The following RNLS variants were observed in gnomAD, a reference collection of about 807,000 sequenced individuals.
RNLS encodes renalase, FAD dependent amine oxidase, also known as renalase.
In RNLS, 39 loss-of-function variants were observed where a neutral mutation model predicts 39.8. The ratio of observed to expected loss-of-function variants is 0.98; its 90% CI spans 0.76 to 1.28. The LOEUF (loss-of-function observed/expected upper bound fraction) is 1.28, where lower values mean the gene tolerates loss of function less well. Among genes scored for constraint, RNLS ranks in the 50% most tolerant of loss-of-function variants. RNLS has a pLI of 0.00. For synonymous variants in RNLS, 147 were observed against 150.7 expected (o/e 0.98, Z 0.18); for missense variants, 410 against 413.3 (o/e 0.99, Z 0.07).
At chr10:88,412,235 G>T (rs534741732) in intron 4 of RNLS, among the ~76,000 whole-genome samples, 1 of 151,956 alleles carries the variant, frequency 6.6e-6, no homozygotes, top group Non-Finnish European at 1.5e-5. Context: ...GAGAAAAGGG[G>T]AACCAAAATG....
the RNLS span, among the ~76,000 whole-genome samples, chr10:88,201,485 G>A: frequency 6.6e-6 from 1 of 152,132 alleles, no homozygotes; most frequent in Non-Finnish European, 1.5e-5. Flanking sequence ...TGCTGTGAGA[G>A]GCACAAGCCA....
chr10:88,419,353 T>C (rs1169094386), intron 4 of RNLS, among the ~76,000 whole-genome samples: 1 of 152,122 alleles, frequency 6.6e-6, no homozygotes, highest in Non-Finnish European at 1.5e-5. Flanking sequence ...GTCTTAGAGA[T>C]CATTCATATG....
intron 4 of RNLS, among the ~76,000 whole-genome samples, chr10:88,499,196 C>CAG (rs1283847744): frequency 6.6e-6 from 1 of 152,188 alleles, no homozygotes; most frequent in Non-Finnish European, 1.5e-5. Flanking sequence ...CTAGACACTT[C>CAG]ACCACTCTAC....
At chr10:88,401,800 T>C (rs1589731678) in intron 4 of RNLS, among the ~76,000 whole-genome samples, 1 of 152,028 alleles carries the variant, frequency 6.6e-6, no homozygotes. Context: ...ACAGAATGTA[T>C]GTGCATAAAT....
the RNLS span, among the ~76,000 whole-genome samples, chr10:88,256,799 G>T: frequency 6.6e-6 from 1 of 152,104 alleles, no homozygotes; most frequent in African/African-American, 2.4e-5. Context: ...TGCTCTTCAT[G>T]ATCAGTTATT....
chr10:88,424,962 G>T (rs1854646983), intron 4 of RNLS, among the ~76,000 whole-genome samples: 1 of 152,090 alleles, frequency 6.6e-6, no homozygotes, highest in African/African-American at 2.4e-5. Context: ...TATGTAACAA[G>T]AACTTACATG....
chr10:88,553,418 A>G (rs542339602), intron 4 of RNLS, among the ~76,000 whole-genome samples: 1 of 152,262 alleles, frequency 6.6e-6, no homozygotes, highest in East Asian at 1.9e-4. Context: ...CTTGGCCTCA[A>G]TAGAAGGTTG....
intron 6 of RNLS, among the ~76,000 whole-genome samples, chr10:88,299,941 A>G (rs1436941099): frequency 6.6e-6 from 1 of 152,248 alleles, no homozygotes; most frequent in Non-Finnish European, 1.5e-5. Flanking sequence ...AGTGTTTTCT[A>G]AAATCAGAGT....
At chr10:88,549,400 A>T (rs570507973) in intron 4 of RNLS, among the ~76,000 whole-genome samples, 15 of 140,068 alleles carry the variant, frequency 1.1e-4, no homozygotes, top group East Asian at 6.0e-4. Context: ...ACAAAAAATT[A>T]AAAAAAAAAA....
At chr10:88,337,332 A>G (rs573786802) in intron 5 of RNLS, among the ~76,000 whole-genome samples, 318 of 152,272 alleles carry the variant, frequency 2.1e-3, no homozygotes, top group Non-Finnish European at 3.9e-3. Context: ...CTCAGCATCC[A>G]CTACCTCTTT....
intron 4 of RNLS, among the ~76,000 whole-genome samples, chr10:88,426,309 G>T (rs554332046): frequency 2.0e-5 from 3 of 152,080 alleles, no homozygotes; most frequent in Non-Finnish European, 4.4e-5. Flanking sequence ...CATGTGAATA[G>T]TGGGAAACAC....
intron 4 of RNLS, among the ~76,000 whole-genome samples, chr10:88,472,141 T>C (rs1203479730): frequency 1.3e-5 from 2 of 152,174 alleles, no homozygotes; most frequent in Non-Finnish European, 2.9e-5. Context: ...AGGATTTGAA[T>C]AACCCAGGCC....
chr10:88,517,704 T>A (rs1240505426), intron 4 of RNLS, among the ~76,000 whole-genome samples: 1 of 151,876 alleles, frequency 6.6e-6, no homozygotes, highest in Non-Finnish European at 1.5e-5. Flanking sequence ...AAACTTCTCA[T>A]AAACACAAAT....
At chr10:88,385,887 G>A (rs998276144) in intron 4 of RNLS, among the ~76,000 whole-genome samples, 2 of 152,236 alleles carry the variant, frequency 1.3e-5, no homozygotes, top group Non-Finnish European at 2.9e-5. Context: ...GTGCATTGCT[G>A]TTTGGGCTTG....
chr10:88,197,744 G>C, the RNLS span, among the ~76,000 whole-genome samples: 23 of 152,172 alleles, frequency 1.5e-4, no homozygotes, highest in African/African-American at 5.6e-4. Flanking sequence ...AATTCGATAA[G>C]ATTGGTGGCC....
chr10:88,527,233 C>T (rs1241309814), intron 4 of RNLS, among the ~76,000 whole-genome samples: 1 of 152,176 alleles, frequency 6.6e-6, no homozygotes, highest in African/African-American at 2.4e-5. Flanking sequence ...TTCAGCTTCT[C>T]CCTACACCAG....
chr10:88,396,974 T>C (rs1296296253), intron 4 of RNLS, among the ~76,000 whole-genome samples: 1 of 151,756 alleles, frequency 6.6e-6, no homozygotes, highest in African/African-American at 2.4e-5. Context: ...GGTCCCAAAA[T>C]ACATGATGCA....
intron 3 of RNLS, among the ~76,000 whole-genome samples, chr10:88,580,549 C>T (rs1260288196): frequency 6.6e-6 from 1 of 152,172 alleles, no homozygotes; most frequent in Non-Finnish European, 1.5e-5. Context: ...TATCAAGAAG[C>T]TTCATTCTCC....
At chr10:88,251,801 C>G in the RNLS span, among the ~76,000 whole-genome samples, 1 of 152,170 alleles carries the variant, frequency 6.6e-6, no homozygotes, top group African/African-American at 2.4e-5. Flanking sequence ...CTCTGAGACC[C>G]CTTTGAAGAT....
Sources: allele counts gnomAD v4.1 joint callset (sites outside exome capture counted in the v4.1 genomes callset), GRCh38; gene constraint gnomAD v4.1.1; transcripts MANE v1.5; gene names NCBI Gene and HGNC (gene_info 2026-07-23, HGNC 2026-07-21).